Variants in LINGO1 observed in about 807,000 individuals in gnomAD.
LINGO1 encodes leucine-rich repeat and immunoglobulin-like domain-containing nogo receptor-interacting protein 1.
In LINGO1, 11 loss-of-function variants were observed where a neutral mutation model predicts 37.3. The ratio of observed to expected loss-of-function variants is 0.29; its 90% confidence interval spans 0.19 to 0.49. The LOEUF (loss-of-function observed/expected upper bound fraction) is 0.49. LINGO1 is among the 20% of genes least tolerant of loss of function. LINGO1 has a pLI of 0.99. For missense variants in LINGO1, 585 were observed against 878.2 expected (o/e 0.67, Z 4.22); for synonymous variants, 387 against 403.0 (o/e 0.96, Z 0.48).
At chr15:77,653,016 G>A (rs986476991) in intron 3 of LINGO1, among the ~76,000 whole-genome samples, 3 of 152,244 alleles carry the variant, frequency 2.0e-5, no homozygotes, top group Admixed American at 6.5e-5. Flanking sequence ...AGATTGGGAA[G>A]GGGGAAATGC....
At chr15:77,739,406 C>T (rs967926307) in intron 1 of LINGO1, among the ~76,000 whole-genome samples, 10 of 152,128 alleles carry the variant, frequency 6.6e-5, no homozygotes, top group Admixed American at 6.6e-4. Context: ...GGACAAAAAA[C>T]CAACCCCTTG....
chr15:77,760,686 G>A (rs980666378), intron 1 of LINGO1, among the ~76,000 whole-genome samples: 2 of 152,164 alleles, frequency 1.3e-5, no homozygotes, highest in African/African-American at 4.8e-5. Context: ...CTCACTGGGA[G>A]CCAGCCTCCA....
At chr15:77,641,349 T>G (rs981306312) in intron 3 of LINGO1, among the ~76,000 whole-genome samples, 3 of 152,148 alleles carry the variant, frequency 2.0e-5, no homozygotes, top group African/African-American at 7.2e-5. Flanking sequence ...ACCATAACGG[T>G]GCATGTAATT....
chr15:77,690,161 T>C (rs2075578960), intron 2 of LINGO1, among the ~76,000 whole-genome samples: 1 of 152,174 alleles, frequency 6.6e-6, no homozygotes, highest in Admixed American at 6.5e-5. Context: ...TGGGAAACGC[T>C]CACCCCTCAT....
intron 2 of LINGO1, among the ~76,000 whole-genome samples, chr15:77,711,884 G>GC (rs374448190): frequency 0.12 from 8,320 of 70,406 alleles, 340 homozygotes; most frequent in Non-Finnish European, 0.18. Flanking sequence ...TCTCCTCTGA[G>GC]GGGGGGGCAC....
At chr15:77,701,948 G>GGGTGT (rs2075789064) in intron 2 of LINGO1, among the ~76,000 whole-genome samples, 1 of 152,188 alleles carries the variant, frequency 6.6e-6, no homozygotes, top group Non-Finnish European at 1.5e-5. Flanking sequence ...AGGAGTTTGG[G>GGGTGT]GGTGTGGTTT....
At chr15:77,626,566 T>C (rs2074096006) in intron 1 of LINGO1, among the ~76,000 whole-genome samples, 1 of 152,114 alleles carries the variant, frequency 6.6e-6, no homozygotes, top group African/African-American at 2.4e-5. Context: ...GCACAATGGA[T>C]GCCACTACCC....
chr15:77,651,293 G>C (rs2074753410), intron 3 of LINGO1: 1 of 152,238 alleles, frequency 6.6e-6, no homozygotes, highest in African/African-American at 2.4e-5. Flanking sequence ...CTACATGGAA[G>C]CTCTAAGGAG....
At chr15:77,778,362 G>A (rs1242594310) in intron 1 of LINGO1, among the ~76,000 whole-genome samples, 1 of 152,228 alleles carries the variant, frequency 6.6e-6, no homozygotes, top group Non-Finnish European at 1.5e-5. Context: ...TCCACGTAAG[G>A]TAGATTTCAC....
chr15:77,808,214 C>T (rs1397566308), intron 1 of LINGO1, among the ~76,000 whole-genome samples: 2 of 152,194 alleles, frequency 1.3e-5, no homozygotes, highest in East Asian at 3.9e-4. Context: ...CAGGCTGGCA[C>T]TGGAGGCCTG....
chr15:77,711,883 A>AC (rs1555533317), intron 2 of LINGO1, among the ~76,000 whole-genome samples: 1 of 150,392 alleles, frequency 6.6e-6, no homozygotes, highest in Non-Finnish European at 1.5e-5. Flanking sequence ...CTCTCCTCTG[A>AC]GGGGGGGGCA....
chr15:77,701,505 G>A (rs2075782532), intron 2 of LINGO1, among the ~76,000 whole-genome samples: 1 of 152,150 alleles, frequency 6.6e-6, no homozygotes, highest in Non-Finnish European at 1.5e-5. Flanking sequence ...GATATAGTTT[G>A]GGTGTCTGTC....
intron 1 of LINGO1, among the ~76,000 whole-genome samples, chr15:77,786,254 T>C (rs2076769781): frequency 6.6e-6 from 1 of 152,122 alleles, no homozygotes; most frequent in Non-Finnish European, 1.5e-5. Context: ...AGTATGCCAC[T>C]TGGGAGGAAA....
At chr15:77,733,528 G>C (rs1410263607) in intron 2 of LINGO1, among the ~76,000 whole-genome samples, 2 of 152,228 alleles carry the variant, frequency 1.3e-5, no homozygotes, top group African/African-American at 4.8e-5. Flanking sequence ...CCACCACTGG[G>C]AGACAAAGTG....
intron 1 of LINGO1, among the ~76,000 whole-genome samples, chr15:77,776,557 G>GAA (rs1567577951): frequency 6.7e-6 from 1 of 149,962 alleles, no homozygotes; most frequent in Admixed American, 6.6e-5. Flanking sequence ...AGGGAGGGAG[G>GAA]GAGCTGACTC....
chr15:77,678,222 GCA>G (rs1236565774), intron 2 of LINGO1, among the ~76,000 whole-genome samples: 2 of 152,196 alleles, frequency 1.3e-5, no homozygotes, highest in South Asian at 2.1e-4. Flanking sequence ...CCTCTCTAGT[GCA>G]CAGTCTATGA....
upstream of LINGO1, among the ~76,000 whole-genome samples, chr15:77,636,768 T>C (rs1202394226): frequency 6.6e-6 from 1 of 152,120 alleles, no homozygotes; most frequent in Non-Finnish European, 1.5e-5. Context: ...GGGGGCCATG[T>C]AGCCTCCAGA....
rs116290247 is a variant in LINGO1 at position 77,732,450 on chromosome 15, C to T, written c.-195+2542G>A. Among the ~76,000 whole-genome samples the T allele has an allele frequency of 5.4e-3, 828 of 152,336 alleles. 10 individuals carry two copies. The highest frequency in any genetic ancestry group is 0.019 in the African/African-American group (786 of 41,576). On this transcript the variant is annotated intron_variant, in intron 2 of 3. Coordinates refer to the LINGO1 transcript ENST00000561686. Reference sequence around the variant, plus strand: ...AATGAAGGTAGCGCTAGCTTGCGTCCGCATCTCAAGCTCACACAAAACGTC... The same window carrying T: ...AATGAAGGTAGCGCTAGCTTGCGTCTGCATCTCAAGCTCACACAAAACGTC...
At position 77,618,831 on chromosome 15, in the gene LINGO1, G is replaced by T; in HGVS notation, c.7-2931C>A. On this transcript the variant is annotated intron_variant, in intron 1 of 1. Coordinates refer to ENST00000355300, the MANE Select transcript of LINGO1 (RefSeq NM_032808.7). ...GGGATGGCCTCGATCTCCTGACCTCGTGATCCGCCCGCCTCGGCCTCCCAA... is the reference window on the plus strand; with the variant it reads ...GGGATGGCCTCGATCTCCTGACCTCTTGATCCGCCCGCCTCGGCCTCCCAA... Among the ~76,000 whole-genome samples, 20 of 106,778 alleles carry T rather than the reference G, an allele frequency of 1.9e-4. 10 individuals carry two copies. Among genetic ancestry groups the T allele is most frequent in the Non-Finnish European group, 2.7e-4 (14 of 52,458 alleles). 70.1% of individuals were successfully genotyped at this position (106,778 alleles called of 152,430 possible).
Sources: gnomAD v4.1 joint callset for allele counts (sites outside exome capture counted in the v4.1 genomes callset) on GRCh38, gnomAD v4.1.1 for gene constraint, MANE v1.5 for transcripts, NCBI Gene and HGNC (gene_info 2026-07-23, HGNC 2026-07-21) for gene names.